The following PBX4 variants were observed in gnomAD, a reference collection of about 807,000 sequenced individuals.
PBX4 encodes the protein PBX homeobox 4.
A neutral mutation model predicts 35.1 loss-of-function variants in PBX4; 26 were observed. That is an observed-to-expected ratio of 0.74 (90% CI 0.54 to 1.03). The LOEUF is 1.03. Ranked by LOEUF, PBX4 falls within the 50% of genes least tolerant of loss-of-function variation. PBX4 has a pLI of 0.00. For synonymous variants in PBX4, 199 were observed against 204.2 expected, an observed-to-expected ratio of 0.97 and a Z score of 0.22; for missense variants, 448 against 504.3, an observed-to-expected ratio of 0.89 and a Z score of 1.07.
chr19:19,596,222 T>C (rs573751961), intron 2 of PBX4, among the ~76,000 whole-genome samples: 1 of 152,048 alleles, frequency 6.6e-6, no homozygotes, highest in Admixed American at 6.6e-5. Flanking sequence ...TGAAACCCTG[T>C]CTCTACTAAA....
At chr19:19,588,284 T>C in intron 2 of PBX4, 1 of 1,172,486 alleles carries the variant, frequency 8.5e-7, no homozygotes, top group Non-Finnish European at 1.3e-6. Flanking sequence ...TCATCACATA[T>C]GCACACCAGA....
chr19:19,589,156 C>T (rs887411073), intron 2 of PBX4, among the ~76,000 whole-genome samples: 20 of 152,050 alleles, frequency 1.3e-4, no homozygotes, highest in African/African-American at 3.9e-4. Context: ...AGGCTGGGTG[C>T]GGTGGCTCAC....
rs1180342724 is a variant in PBX4 at position 19,601,068 on chromosome 19, G to A, written c.120-1703C>T. On this transcript the variant is annotated intron_variant, in intron 1 of 7. Coordinates refer to ENST00000251203, the MANE Select transcript of PBX4 (RefSeq NM_025245.3). ...ATGTGGCAGTTAAGAGGGAGGGAGTGAGACACCAAAAATACACACCAACAA... is the reference window on the plus strand; with the variant it reads ...ATGTGGCAGTTAAGAGGGAGGGAGTAAGACACCAAAAATACACACCAACAA... Among the ~76,000 whole-genome samples, 3 of 152,154 alleles carry A rather than the reference G, an allele frequency of 2.0e-5. No individual in the cohort carries two copies. The South Asian group carries it at 6.2e-4, about 32-fold the overall frequency.
chr19:19,563,465 C>A lies in PBX4; in HGVS notation c.1032+44G>T. On this transcript the variant is annotated intron_variant, in intron 7 of 7. Coordinates refer to ENST00000251203, the MANE Select transcript of PBX4 (RefSeq NM_025245.3). The surrounding 1 kb of genome is among the most constrained non-coding windows in gnomAD (Gnocchi z 5.1). ...CTGACAAGACGACCCTTTCTGAGAA[C>A]CTACCACCCACCTGGGCGCTGTGGG... 3 of 1,446,600 alleles carry A rather than the reference C, an allele frequency of 2.1e-6. No homozygotes were observed. The highest frequency in any genetic ancestry group is 2.8e-6 in the Non-Finnish European group (3 of 1,070,198). The allele number at this position is 1,446,600 out of a possible 1,614,324, so 89.6% of individuals were successfully genotyped here. A position where few individuals can be genotyped will look rare whatever the true frequency, so the allele number is the denominator to read the frequency against.
At chr19:19,604,466 CA>C (rs753893364) in intron 1 of PBX4, among the ~76,000 whole-genome samples, 29 of 72,052 alleles carry the variant, frequency 4.0e-4, no homozygotes, top group Admixed American at 5.4e-4. Context: ...GATTCCATCT[CA>C]AAAAAAAAAA....
intron 2 of PBX4, among the ~76,000 whole-genome samples, chr19:19,576,879 C>A (rs1369644669): frequency 6.6e-6 from 1 of 151,800 alleles, no homozygotes; most frequent in Non-Finnish European, 1.5e-5. Context: ...TCCCAAAGTG[C>A]TTGGGATTAT....
chr19:19,615,030 T>C (rs959671618), intron 1 of PBX4, among the ~76,000 whole-genome samples: 3 of 151,532 alleles, frequency 2.0e-5, no homozygotes, highest in Admixed American at 1.3e-4. Context: ...CAGGCGGTAG[T>C]GGCACACGCC....
intron 2 of PBX4, among the ~76,000 whole-genome samples, chr19:19,588,662 G>A (rs1275524416): frequency 1.3e-5 from 2 of 152,158 alleles, no homozygotes; most frequent in Non-Finnish European, 2.9e-5. Flanking sequence ...CAGGAGCTGG[G>A]CTACAGTCAC....
chr19:19,567,360 C>T (rs531093242), intron 5 of PBX4, among the ~76,000 whole-genome samples: 1 of 152,314 alleles, frequency 6.6e-6, no homozygotes, highest in South Asian at 2.1e-4. Flanking sequence ...CCTGCGTGAC[C>T]CCGAGGGGTT....
At chr19:19,574,561 T>C (rs575392460) in intron 2 of PBX4, among the ~76,000 whole-genome samples, 13 of 152,182 alleles carry the variant, frequency 8.5e-5, no homozygotes, top group African/African-American at 2.6e-4. Context: ...CTTTCTGAGA[T>C]GGCTGAAGGA....
intron 2 of PBX4, among the ~76,000 whole-genome samples, chr19:19,571,118 G>A (rs983181226): frequency 2.0e-5 from 3 of 152,324 alleles, no homozygotes; most frequent in South Asian, 2.1e-4. Flanking sequence ...CTGTGTGCAC[G>A]CAGCAGGGCC....
At chr19:19,591,258 T>C (rs1003321432) in intron 2 of PBX4, among the ~76,000 whole-genome samples, 5 of 152,152 alleles carry the variant, frequency 3.3e-5, no homozygotes, top group Non-Finnish European at 7.4e-5. Flanking sequence ...GGGTGACTGC[T>C]AGGACCCAGG....
intron 2 of PBX4, among the ~76,000 whole-genome samples, chr19:19,576,075 G>A (rs2061417634): frequency 6.8e-6 from 1 of 147,256 alleles, no homozygotes; most frequent in Non-Finnish European, 1.5e-5. Context: ...AGAATATGTG[G>A]CATTCTTTCA....
chr19:19,593,320 C>T (rs1299919176), intron 2 of PBX4, among the ~76,000 whole-genome samples: 1 of 152,198 alleles, frequency 6.6e-6, no homozygotes, highest in Admixed American at 6.5e-5. Context: ...TCGAGAAGCA[C>T]GCCAGGACCC....
chr19:19,577,837 G>A (rs12981270), intron 2 of PBX4, among the ~76,000 whole-genome samples: 27,877 of 146,378 alleles, frequency 0.19, 3,201 homozygotes, highest in East Asian at 0.3. Flanking sequence ...CCAGCCTGGC[G>A]ACAAAGGGAG....
chr19:19,574,627 C>A (rs1234410306), intron 2 of PBX4, among the ~76,000 whole-genome samples: 1 of 151,430 alleles, frequency 6.6e-6, no homozygotes, highest in Admixed American at 6.6e-5. Flanking sequence ...GCCCAATTTT[C>A]CTTTTTTTTT....
intron 2 of PBX4, among the ~76,000 whole-genome samples, chr19:19,577,211 A>C (rs917577353): frequency 2.0e-5 from 3 of 151,642 alleles, no homozygotes; most frequent in African/African-American, 7.3e-5. Flanking sequence ...AAAAAAAAAA[A>C]ACTCTCAAAT....
intron 2 of PBX4, among the ~76,000 whole-genome samples, chr19:19,582,259 G>A (rs939826238): frequency 6.6e-5 from 10 of 152,178 alleles, no homozygotes; most frequent in African/African-American, 1.9e-4. Context: ...CTCCACCCTC[G>A]GCCCTGTGCC....
At chr19:19,564,412 T>C (rs866224725) in intron 6 of PBX4, among the ~76,000 whole-genome samples, 11 of 152,018 alleles carry the variant, frequency 7.2e-5, no homozygotes, top group Non-Finnish European at 1.6e-4. Flanking sequence ...TTTGGGTTGG[T>C]TCCAAGTCTT....
Sources: gnomAD v4.1 joint callset for allele counts (sites outside exome capture counted in the v4.1 genomes callset) on GRCh38, gnomAD v4.1.1 for gene constraint, Gnocchi (gnomAD v3.1) non-coding constraint, MANE v1.5 for transcripts, NCBI Gene and HGNC (gene_info 2026-07-23, HGNC 2026-07-21) for gene names.